KCNH2: variants seen among roughly 807,000 people sequenced by gnomAD.
KCNH2 encodes potassium voltage-gated channel subfamily H member 2.
KCNH2 carries 35 observed loss-of-function variants against 95.9 expected under a neutral mutation model. That is an observed-to-expected ratio of 0.37 (90% CI 0.28 to 0.48). KCNH2 has a LOEUF of 0.48. Among genes scored for constraint, KCNH2 ranks in the 20% least tolerant of loss-of-function variants. The pLI, the probability that KCNH2 is intolerant of heterozygous loss-of-function variation, is 0.99. For missense variants in KCNH2, 1,274 were observed against 1,702.9 expected (o/e 0.75, Z 4.43); for synonymous variants, 786 against 754.7 (o/e 1.04, Z -0.68).
chr7:150,976,774 A>G (rs1402908828), intron 1 of KCNH2, among the ~76,000 whole-genome samples: 2 of 80,312 alleles, frequency 2.5e-5, no homozygotes, highest in Non-Finnish European at 4.9e-5. Flanking sequence ...GCCCGCCCAC[A>G]GCCTCCCCCT....
At chr7:150,972,823 A>C (rs1801873664) in intron 2 of KCNH2, among the ~76,000 whole-genome samples, 1 of 152,178 alleles carries the variant, frequency 6.6e-6, no homozygotes, top group East Asian at 1.9e-4. Flanking sequence ...CCTCTGCAGA[A>C]GGGGGCCCAT....
At chr7:150,964,710 G>A (rs554978006) in intron 2 of KCNH2, among the ~76,000 whole-genome samples, 7 of 152,228 alleles carry the variant, frequency 4.6e-5, no homozygotes, top group South Asian at 2.1e-4. Context: ...TGCCTCGCTC[G>A]GAGCAGGAGG....
chr7:150,949,315 A>G, intron 9 of KCNH2: 1 of 1,361,834 alleles, frequency 7.3e-7, no homozygotes, highest in Non-Finnish European at 9.5e-7. Context: ...CCCAAACCCC[A>G]GGTCCCAAAC....
intron 2 of KCNH2, 40 bp downstream of exon 2, chr7:150,974,671 C>G (rs1167399761): frequency 8.7e-6 from 10 of 1,147,582 alleles, no homozygotes; most frequent in Non-Finnish European, 1.2e-6. Flanking sequence ...CCCCTCTTGA[C>G]CCCGCCCCTG....
In KCNH2 at chr7:150,951,711, G is replaced by A. The variant is rs121912504; in HGVS notation, c.1682C>T (p.Ala561Val). Residue 561 changes from alanine to valine, a missense_variant, in exon 7 of 15, where the codon GCG becomes GTG. Coordinates refer to ENST00000262186, the MANE Select transcript of KCNH2 (RefSeq NM_000238.4). ...FLLMCTFALI[A>V]HWLACIWYAI... Reference sequence around the variant, plus strand: ...GTACCAGATGCAGGCTAGCCAGTGCGCGATGAGCGCAAAGGTGCACATGAG... The same window carrying A: ...GTACCAGATGCAGGCTAGCCAGTGCACGATGAGCGCAAAGGTGCACATGAG... 6.2e-7 allele frequency: 1 copy of A among 1,614,140 alleles called. No homozygotes were observed. The highest frequency in any genetic ancestry group is 1.3e-5 in the African/African-American group (1 of 75,076).
chr7:150,951,318 T>A, intron 7 of KCNH2, 130 bp downstream of exon 7: 6 of 1,260,006 alleles, frequency 4.8e-6, no homozygotes, highest in Non-Finnish European at 6.8e-6. Context: ...CCAAACCATG[T>A]CACGATGGTG....
At chr7:150,969,310 T>C (rs533291662) in intron 2 of KCNH2, among the ~76,000 whole-genome samples, 107 of 152,276 alleles carry the variant, frequency 7.0e-4, no homozygotes, top group Non-Finnish European at 1.2e-3. Context: ...CGGTAAAGCA[T>C]GGTTCCCCAG....
chr7:150,950,530 C>G, intron 8 of KCNH2, 110 bp from the exon 9 acceptor site: 4 of 1,406,494 alleles, frequency 2.8e-6, no homozygotes, highest in Non-Finnish European at 3.8e-6. Context: ...ACCTCCAGGC[C>G]TGGGAGATCT....
intron 2 of KCNH2, among the ~76,000 whole-genome samples, chr7:150,971,058 G>C (rs1196590846): frequency 6.6e-6 from 1 of 152,232 alleles, no homozygotes; most frequent in Non-Finnish European, 1.5e-5. Flanking sequence ...GTGAGGCGTG[G>C]TGGTGACAAG....
intron 3 of KCNH2, among the ~76,000 whole-genome samples, chr7:150,959,004 T>C (rs949306947): frequency 6.6e-6 from 1 of 152,194 alleles, no homozygotes; most frequent in Non-Finnish European, 1.5e-5. Context: ...AAGATTAAAA[T>C]TAAGCCAAAG....
At position 150,946,938 on chromosome 7, in the gene KCNH2, G is replaced by A. The variant is rs769228898; in HGVS notation, c.3269C>T (p.Ser1090Phe). The part of the protein sequence containing the change: ...AVTTPGPGPT[S>F]TSPLLPVSPL... The stretch of plus-strand genomic sequence containing the variant: ...GCTGACGGGCAACAGCGGGGATGTG[G>A]AAGTGGGGCCAGGCCCCGGGGTGGT... The change falls in exon 14 of 15, where the codon TCC becomes TTC. Residue 1090 changes from serine to phenylalanine, a missense_variant. Physicochemically the swap from Ser to Phe is radical, Grantham distance 155 (BLOSUM62 -2). Coordinates refer to ENST00000262186, the MANE Select transcript of KCNH2 (RefSeq NM_000238.4). This position sits in a 1 kb window ranked among gnomAD's most constrained non-coding sequence, Gnocchi z 6.5. 6.2e-7 allele frequency: 1 copy of A among 1,602,932 alleles called. No homozygotes were observed. Among genetic ancestry groups the A allele is most frequent in the Non-Finnish European group, 8.5e-7 (1 of 1,173,006 alleles).
chr7:150,962,422 C>A lies in KCNH2; in HGVS notation c.308-2686G>T, dbSNP rs41307328. On this transcript the variant is annotated intron_variant, in intron 2 of 14. Transcript: ENST00000262186. The surrounding 1 kb of genome is among the most constrained non-coding windows in gnomAD (Gnocchi z 5.7). Reference sequence around the variant, plus strand: ...TGGAGACTGTCCCCAACACAGGGCCCCAGAAATTCCAACCTTGAGACCTCA... The same window carrying A: ...TGGAGACTGTCCCCAACACAGGGCCACAGAAATTCCAACCTTGAGACCTCA... 1.7e-4 allele frequency among the ~76,000 whole-genome samples: 26 copies of A among 152,284 alleles called. No homozygotes were observed. In the East Asian group the frequency reaches 4.6e-3, roughly 27 times the overall value.
chr7:150,945,303 G>T lies in KCNH2; in HGVS notation c.*62C>A. ...GGGCCTCCTGAGCAGGGCCTCCAAGGGGAGCGGCCCAGCAGCGCCTTGATC... is the reference window on the plus strand; with the variant it reads ...GGGCCTCCTGAGCAGGGCCTCCAAGTGGAGCGGCCCAGCAGCGCCTTGATC... On this transcript the variant is annotated 3_prime_UTR_variant, in exon 15 of 15. Coordinates refer to ENST00000262186, the MANE Select transcript of KCNH2 (RefSeq NM_000238.4). The surrounding 1 kb of genome is among the most constrained non-coding windows in gnomAD (Gnocchi z 5.6). 1 of 1,522,574 alleles carries T rather than the reference G, an allele frequency of 6.6e-7. No homozygotes were observed. The highest frequency in any genetic ancestry group is 2.4e-5 in the East Asian group (1 of 41,248). The allele number at this position is 1,522,574 out of a possible 1,614,324, so 94.3% of individuals were successfully genotyped here.
Position 150,947,883 on chromosome 7 carries a change from G to A in KCNH2, c.2693-5C>T, listed in dbSNP as rs1060503992. ...CCTCCCCTGGCTGCTCCGTGTCTGT[G>A]GGAAACAGAGAATGGGCCTCAGAGA... On this transcript the variant is annotated splice_region_variant and splice_polypyrimidine_tract_variant and intron_variant, in intron 11 of 14. Coordinates refer to ENST00000262186, the MANE Select transcript of KCNH2 (RefSeq NM_000238.4). 10 of 1,530,360 alleles carry A rather than the reference G, an allele frequency of 6.5e-6. No homozygotes were observed. Among genetic ancestry groups the A allele is most frequent in the Non-Finnish European group, 7.9e-6 (9 of 1,144,640 alleles). The allele number at this position is 1,530,360 out of a possible 1,614,324, so 94.8% of individuals were successfully genotyped here. A position where few individuals can be genotyped will look rare whatever the true frequency, so the allele number is the denominator to read the frequency against.
rs1245150021 is a variant in KCNH2 at position 150,962,832 on chromosome 7, C to G, written c.308-3096G>C. On this transcript the variant is annotated intron_variant, in intron 2 of 14. Transcript: ENST00000262186. This position sits in a 1 kb window ranked among gnomAD's most constrained non-coding sequence, Gnocchi z 5.7. Reference sequence around the variant, plus strand: ...ATGTGGAAGGAAGGAAAGTAGGGGCCCCAGATAGGCCTGGGCTCTCAGAGG... The same window carrying G: ...ATGTGGAAGGAAGGAAAGTAGGGGCGCCAGATAGGCCTGGGCTCTCAGAGG... Among the ~76,000 whole-genome samples, 2 of 152,100 alleles carry G rather than the reference C, an allele frequency of 1.3e-5. No individual in the cohort carries two copies. The highest frequency in any genetic ancestry group is 2.9e-5 in the Non-Finnish European group (2 of 68,012).
intron 2 of KCNH2, 150 bp from the exon 3 acceptor site, chr7:150,959,886 C>T (rs920507783): frequency 1.3e-4 from 111 of 880,698 alleles, no homozygotes; most frequent in Non-Finnish European, 1.8e-4. Flanking sequence ...TCCTGATCCC[C>T]CACCCGGCCA....
chr7:150,967,990 A>G (rs1418810787), intron 2 of KCNH2, among the ~76,000 whole-genome samples: 1 of 152,358 alleles, frequency 6.6e-6, no homozygotes, highest in East Asian at 1.9e-4. Flanking sequence ...TGAGCAGGCA[A>G]TTCACGGGAA....
rs767514448 is a variant in KCNH2, at chr7:150,959,620, C to T, written c.424G>A (p.Ala142Thr). 3 of 1,614,006 alleles carry T rather than the reference C, an allele frequency of 1.9e-6. No individual in the cohort carries two copies. The highest frequency in any genetic ancestry group is 2.7e-5 in the African/African-American group (2 of 74,906). ...VMEKDMVGSPAHDTNHRGPPT... is the reference protein window; with the variant it reads ...VMEKDMVGSPTHDTNHRGPPT... ...GGGCCCCGGTGGTTGGTGTCATGAG[C>T]CGGGGACCCCACCATGTCCTTCTCC... The change falls in exon 3 of 15, where the codon GCT becomes ACT. Residue 142 changes from alanine to threonine, a missense_variant. Coordinates refer to ENST00000262186, the MANE Select transcript of KCNH2 (RefSeq NM_000238.4).
At position 150,961,346 on chromosome 7, in the gene KCNH2, G is replaced by A. The variant is rs1400405414; in HGVS notation, c.308-1610C>T. Among the ~76,000 whole-genome samples the A allele has an allele frequency of 2.0e-5, 3 of 150,606 alleles. No individual in the cohort carries two copies. Among genetic ancestry groups the A allele is most frequent in the East Asian group, 3.9e-4 (2 of 5,138 alleles). ...AGGGTTTCACTCTGTCACCCAGGGT[G>A]GAGTGCAGCGGCATGATCTTGGCTC... is the stretch of plus-strand genomic sequence containing the variant. On this transcript the variant is annotated intron_variant, in intron 2 of 14. Coordinates refer to ENST00000262186, the MANE Select transcript of KCNH2 (RefSeq NM_000238.4). The surrounding 1 kb of genome is among the most constrained non-coding windows in gnomAD (Gnocchi z 6.2).
Sources: allele counts gnomAD v4.1 joint callset (sites outside exome capture counted in the v4.1 genomes callset), GRCh38; gene constraint gnomAD v4.1.1; non-coding constraint Gnocchi (gnomAD v3.1); transcripts MANE v1.5; gene names NCBI Gene and HGNC (gene_info 2026-07-23, HGNC 2026-07-21).